ABHD12B: variants seen among roughly 807,000 people sequenced by gnomAD.
ABHD12B encodes the protein abhydrolase domain containing 12B, also known as protein ABHD12B.
A neutral mutation model predicts 50.4 loss-of-function variants in ABHD12B; 42 were observed. The ratio of observed to expected loss-of-function variants is 0.83; its 90% CI spans 0.65 to 1.08. The LOEUF (loss-of-function observed/expected upper bound fraction) is 1.08, where lower values mean the gene tolerates loss of function less well. Ranked by LOEUF, ABHD12B falls within the 50% of genes least tolerant of loss-of-function variation. ABHD12B has a pLI of 0.00. For missense variants in ABHD12B, 479 were observed against 447.7 expected (o/e 1.07, Z -0.63); for synonymous variants, 167 against 160.3 (o/e 1.04, Z -0.32).
intron 10 of ABHD12B, 131 bp from the exon 11 acceptor site, chr14:50,903,258 C>T (rs541611339): frequency 2.1e-5 from 13 of 632,868 alleles, no homozygotes; most frequent in Non-Finnish European, 3.5e-5. Context: ...TATTGTTATT[C>T]CTTGGAAGGA....
chr14:50,889,387 C>T (rs2050086831), intron 9 of ABHD12B, among the ~76,000 whole-genome samples: 1 of 152,182 alleles, frequency 6.6e-6, no homozygotes, highest in African/African-American at 2.4e-5. Flanking sequence ...CACCTATAAT[C>T]CCAGCACTTG....
At chr14:50,900,090 G>A (rs2050246108) in intron 9 of ABHD12B, among the ~76,000 whole-genome samples, 1 of 151,792 alleles carries the variant, frequency 6.6e-6, no homozygotes, top group South Asian at 2.1e-4. Flanking sequence ...AAATTAGTTG[G>A]GTGTGGTGGC....
At chr14:50,900,825 G>T (rs2050253379) in intron 9 of ABHD12B, among the ~76,000 whole-genome samples, 1 of 152,206 alleles carries the variant, frequency 6.6e-6, no homozygotes, top group Admixed American at 6.5e-5. Context: ...GAAGCCGCCG[G>T]ATTCTTCAGG....
chr14:50,894,408 C>T (rs756973728), intron 9 of ABHD12B, among the ~76,000 whole-genome samples: 50 of 151,930 alleles, frequency 3.3e-4, no homozygotes, highest in Admixed American at 6.6e-4. Flanking sequence ...CTCCATGTCT[C>T]TACTCTTTTC....
intron 9 of ABHD12B, among the ~76,000 whole-genome samples, chr14:50,895,898 CT>C (rs879245350): frequency 6.6e-5 from 10 of 152,156 alleles, no homozygotes; most frequent in African/African-American, 1.4e-4. Flanking sequence ...TTAAGCACTC[CT>C]TTTTAGTTAT....
chr14:50,894,549 T>C (rs2050167779), intron 9 of ABHD12B, among the ~76,000 whole-genome samples: 1 of 152,190 alleles, frequency 6.6e-6, no homozygotes, highest in Non-Finnish European at 1.5e-5. Flanking sequence ...TGACTTATTT[T>C]CTTCTGCAAT....
Position 50,885,675 on chromosome 14 carries a change from G to C in ABHD12B, c.532+16G>C. On this transcript the variant is annotated intron_variant, in intron 6 of 12. Coordinates refer to ENST00000337334, the MANE Select transcript of ABHD12B (RefSeq NM_001206673.2). ...GACTACAGAGGTATGTGTTAAGAAC[G>C]GTGTACAAAGATGTTTCAGTAACCA... 1 of 1,614,122 alleles carries C rather than the reference G, an allele frequency of 6.2e-7. No homozygotes were observed. Among genetic ancestry groups the C allele is most frequent in the Non-Finnish European group, 8.5e-7 (1 of 1,180,016 alleles).
At position 50,904,615 on chromosome 14, in the gene ABHD12B, A is replaced by C; in HGVS notation, c.*249A>C. ...CACTGTGGAGAACCAGAATTTGGTA[A>C]AATCTAGATCCTATCTAAAAATATG... On this transcript the variant is annotated 3_prime_UTR_variant, in exon 13 of 13. Coordinates refer to ENST00000337334, the MANE Select transcript of ABHD12B (RefSeq NM_001206673.2). 1.2e-5 allele frequency: 7 copies of C among 576,610 alleles called. No homozygotes were observed. Among genetic ancestry groups the C allele is most frequent in the Non-Finnish European group, 1.5e-5 (5 of 324,974 alleles). 35.7% of individuals were successfully genotyped at this position (576,610 alleles called of 1,614,324 possible).
chr14:50,873,950 C>T (rs1402113462), intron 1 of ABHD12B, among the ~76,000 whole-genome samples: 2 of 152,144 alleles, frequency 1.3e-5, no homozygotes, highest in African/African-American at 4.8e-5. Flanking sequence ...AAAATACTAG[C>T]GTATGTCTTC....
At chr14:50,882,328 CT>C (rs1029122575) in intron 5 of ABHD12B, among the ~76,000 whole-genome samples, 11 of 144,110 alleles carry the variant, frequency 7.6e-5, no homozygotes, top group African/African-American at 2.8e-4. Context: ...AAGAATCAAC[CT>C]TTTTAATTTC....
intron 9 of ABHD12B, among the ~76,000 whole-genome samples, chr14:50,889,694 T>C (rs1833448964): frequency 6.6e-6 from 1 of 152,222 alleles, no homozygotes; most frequent in Non-Finnish European, 1.5e-5. Context: ...TCTTATTCTA[T>C]ACCTAATGCT....
intron 1 of ABHD12B, 73 bp downstream of exon 1, chr14:50,872,351 GGGCGCGGCCGA>G: frequency 9.0e-7 from 1 of 1,110,736 alleles, no homozygotes; most frequent in Non-Finnish European, 1.1e-6. Flanking sequence ...CAGGGGGCCA[GGGCGCGGCCGA>G]GGCCGCAATC....
At chr14:50,883,971 A>G (rs1166658593) in intron 5 of ABHD12B, among the ~76,000 whole-genome samples, 4 of 152,118 alleles carry the variant, frequency 2.6e-5, no homozygotes, top group Non-Finnish European at 5.9e-5. Flanking sequence ...ATCTATATAT[A>G]CGTTTAGGTT....
chr14:50,876,159 G>C (rs1386939063), intron 1 of ABHD12B, among the ~76,000 whole-genome samples: 1 of 152,140 alleles, frequency 6.6e-6, no homozygotes, highest in Admixed American at 6.5e-5. Flanking sequence ...CAGGGGTGGT[G>C]GGGTGCTATT....
At position 50,872,288 on chromosome 14, in the gene ABHD12B, G is replaced by T. The variant is rs2049796296; in HGVS notation, c.104+10G>T. On this transcript the variant is annotated intron_variant, in intron 1 of 12. Coordinates refer to ENST00000337334, the MANE Select transcript of ABHD12B (RefSeq NM_001206673.2). ...TCGACCGCAACCTGCGGTGAGTACC[G>T]CCCGGTCCACCCCTGGCCGGGCCCC... 2.3e-6 allele frequency: 3 copies of T among 1,311,638 alleles called. No individual in the cohort carries two copies. In the African/African-American group the frequency reaches 4.6e-5, roughly 20 times the overall value. 81.2% of individuals were successfully genotyped at this position (1,311,638 alleles called of 1,614,324 possible). A position where few individuals can be genotyped will look rare whatever the true frequency, so the allele number is the denominator to read the frequency against.
intron 1 of ABHD12B, among the ~76,000 whole-genome samples, chr14:50,875,955 A>T (rs1566482625): frequency 6.6e-6 from 1 of 152,172 alleles, no homozygotes; most frequent in East Asian, 1.9e-4. Context: ...ACTAACAGGC[A>T]GGGTGGAGGT....
intron 9 of ABHD12B, chr14:50,892,297 T>G: frequency 1.5e-5 from 7 of 479,748 alleles, no homozygotes; most frequent in Non-Finnish European, 1.9e-5. Context: ...TTTGATTTAT[T>G]GAGGAAATGT....
chr14:50,878,586 T>C (rs2049894677), intron 2 of ABHD12B, among the ~76,000 whole-genome samples, 159 bp from the exon 3 acceptor site: 1 of 152,234 alleles, frequency 6.6e-6, no homozygotes, highest in African/African-American at 2.4e-5. Context: ...CTCTGCAGGC[T>C]AGTCCTAGCT....
chr14:50,872,131 T>C lies in ABHD12B; in HGVS notation c.-44T>C. The C allele has an allele frequency of 3.2e-6, 4 of 1,239,860 alleles. No homozygotes were observed. Among genetic ancestry groups the C allele is most frequent in the Non-Finnish European group, 4.1e-6 (4 of 985,742 alleles). The allele number at this position is 1,239,860 out of a possible 1,614,324, so 76.8% of individuals were successfully genotyped here. ...AAGGTCGCGGGCGGCTGCTCCGGAC[T>C]GCAGCTCCCGCGGCGGTGGCGGCGT... On this transcript the variant is annotated 5_prime_UTR_variant, in exon 1 of 13. Transcript: ENST00000337334.
Sources: gnomAD v4.1 joint callset for allele counts (sites outside exome capture counted in the v4.1 genomes callset) on GRCh38, gnomAD v4.1.1 for gene constraint, MANE v1.5 for transcripts, NCBI Gene and HGNC (gene_info 2026-07-23, HGNC 2026-07-21) for gene names.